ASXL3: variants seen among roughly 807,000 people sequenced by gnomAD.
ASXL3 encodes ASXL transcriptional regulator 3.
A neutral mutation model predicts 170.6 loss-of-function variants in ASXL3; 34 were observed. That is an observed-to-expected ratio of 0.20 (90% CI 0.15 to 0.27). The LOEUF (loss-of-function observed/expected upper bound fraction) is 0.27, where lower values mean the gene tolerates loss of function less well. Ranked by LOEUF, ASXL3 falls within the 10% of genes least tolerant of loss-of-function variation. The pLI, the probability that ASXL3 is intolerant of heterozygous loss-of-function variation, is 1.00. For missense variants in ASXL3, 2,592 were observed against 2,695.3 expected (o/e 0.96, Z 0.85); for synonymous variants, 1,002 against 989.1 (o/e 1.01, Z -0.24).
intron 1 of ASXL3, among the ~76,000 whole-genome samples, chr18:33,604,210 A>G (rs758849315): frequency 1.3e-5 from 2 of 152,102 alleles, no homozygotes; most frequent in Non-Finnish European, 2.9e-5. Flanking sequence ...TATTAAAACT[A>G]TTAACTCAAT....
rs1342499909 is a variant in ASXL3, at chr18:33,648,142, T to C, written c.355+1789T>C. 5.3e-5 allele frequency among the ~76,000 whole-genome samples: 8 copies of C among 152,218 alleles called. No homozygotes were observed. The South Asian group carries it at 1.7e-3, about 32-fold the overall frequency. On this transcript the variant is annotated intron_variant, in intron 4 of 11. Transcript: ENST00000269197. ...CTGTTTTGAGTGAGATATTAAGCCA[T>C]TGTAGAGTTTTGAGCTAGAAAGGCA...
intron 8 of ASXL3, among the ~76,000 whole-genome samples, chr18:33,723,679 A>G (rs6507059): frequency 0.66 from 100,016 of 152,094 alleles, 34,463 homozygotes; most frequent in East Asian, 0.89. Flanking sequence ...GCAGCGGCAG[A>G]GTTTAAGAGA....
intron 8 of ASXL3, among the ~76,000 whole-genome samples, chr18:33,703,276 C>CTT (rs1473070419): frequency 6.6e-6 from 1 of 152,228 alleles, no homozygotes; most frequent in African/African-American, 2.4e-5. Context: ...GAAATCTGTT[C>CTT]TTATGGTCTT....
chr18:33,718,929 AAAT>A (rs1286243676), intron 8 of ASXL3, among the ~76,000 whole-genome samples: 2 of 152,042 alleles, frequency 1.3e-5, no homozygotes, highest in African/African-American at 2.4e-5. Context: ...ACCTCCTACC[AAAT>A]AATAAATATT....
chr18:33,622,702 A>ATATC (rs1188067918), intron 2 of ASXL3, among the ~76,000 whole-genome samples: 1 of 152,132 alleles, frequency 6.6e-6, no homozygotes, highest in African/African-American at 2.4e-5. Context: ...GTGGTCTCAG[A>ATATC]TAGCTTGCAG....
chr18:33,703,845 G>A (rs982930633), intron 8 of ASXL3, among the ~76,000 whole-genome samples: 12 of 151,984 alleles, frequency 7.9e-5, no homozygotes, highest in Non-Finnish European at 1.3e-4. Flanking sequence ...TATGCTCTTA[G>A]GGCAAATTCC....
chr18:33,732,003 A>C lies in ASXL3; in HGVS notation c.915A>C (p.Ser305=). 7 of 1,612,940 alleles carry C rather than the reference A, an allele frequency of 4.3e-6. No individual in the cohort carries two copies. The highest frequency in any genetic ancestry group is 5.9e-6 in the Non-Finnish European group (7 of 1,179,562). ...GSDGILRLST[S]ALNNEFFAYA... ...ATGGAATTTTACGCCTCAGTACTTC[A>C]GCTCTAAATAATGAATTCTTTGCAT... The change falls in exon 9 of 12, where the codon TCA becomes TCC. Residue 305 remains serine (S), a synonymous_variant. Coordinates refer to ENST00000269197, the MANE Select transcript of ASXL3 (RefSeq NM_030632.3).
chr18:33,578,802 G>A, intron 1 of ASXL3, 117 bp downstream of exon 1: 1 of 614,956 alleles, frequency 1.6e-6, no homozygotes. Context: ...CCGCTCGCCG[G>A]GCTCCTGCTC....
At chr18:33,650,961 A>G (rs2065988461) in intron 4 of ASXL3, among the ~76,000 whole-genome samples, 1 of 151,942 alleles carries the variant, frequency 6.6e-6, no homozygotes, top group Non-Finnish European at 1.5e-5. Flanking sequence ...GTACTTTTTT[A>G]TTTTGTTTTA....
Position 33,746,114 on chromosome 18 carries a change from G to A in ASXL3, c.6266G>A (p.Gly2089Asp), listed in dbSNP as rs370206549. 18 of 1,613,602 alleles carry A rather than the reference G, an allele frequency of 1.1e-5. No homozygotes were observed. The African/African-American group carries it at 1.6e-4, about 14-fold the overall frequency. Reference protein sequence around the residue: ...IKSEPLSFEEGLSSSCELGMK... With the variant: ...IKSEPLSFEEDLSSSCELGMK... ...TCGGAACCTCTTTCTTTTGAGGAAG[G>A]TTTAAGCAGCAGCTGTGAACTGGGC... Residue 2089 changes from glycine (G) to aspartate (D), a missense_variant, in exon 12 of 12, where the codon GGT becomes GAT. This residue lies in a region of ASXL3 where 2,246 missense variants were observed against 2,219.6 expected (regional missense o/e 1.01). Coordinates refer to ENST00000269197, the MANE Select transcript of ASXL3 (RefSeq NM_030632.3).
At chr18:33,732,439 T>C (rs73955194) in intron 9 of ASXL3, among the ~76,000 whole-genome samples, 2,676 of 152,274 alleles carry the variant, frequency 0.018, 90 homozygotes, top group African/African-American at 0.061. Flanking sequence ...ATCCTTCCTT[T>C]AATCACCAAG....
chr18:33,581,472 AGTGTGTGTGT>A (rs150752638), intron 1 of ASXL3, among the ~76,000 whole-genome samples: 2 of 145,294 alleles, frequency 1.4e-5, no homozygotes, highest in Admixed American at 1.4e-4. Flanking sequence ...TGCTGGAGTG[AGTGTGTGTGT>A]GTGTGTGTGT....
Position 33,746,202 on chromosome 18 carries a change from A to G in ASXL3, c.6354A>G (p.Lys2118=). 6.2e-7 allele frequency: 1 copy of G among 1,613,854 alleles called. No individual in the cohort carries two copies. Among genetic ancestry groups the G allele is most frequent in the Non-Finnish European group, 8.5e-7 (1 of 1,179,872 alleles). ...AACAGTTAAAAGCATTCGCGCTAAA[A>G]AGTGCAGATTTCTCTTCCTATTTGC... ...MKEQLKAFAL[K]SADFSSYLLS... Residue 2118 remains lysine, a synonymous_variant, in exon 12 of 12, where the codon AAA becomes AAG. Transcript: ENST00000269197.
At chr18:33,611,914 T>TA (rs1433237912) in intron 2 of ASXL3, among the ~76,000 whole-genome samples, 31 of 152,102 alleles carry the variant, frequency 2.0e-4, no homozygotes, top group Non-Finnish European at 1.6e-4. Flanking sequence ...TGCCATGTCT[T>TA]ACGTAATTTT....
intron 2 of ASXL3, among the ~76,000 whole-genome samples, chr18:33,637,956 C>T (rs1468158566): frequency 6.6e-6 from 1 of 152,080 alleles, no homozygotes; most frequent in Non-Finnish European, 1.5e-5. Context: ...GTGCAAAACA[C>T]TGTTGGAGTA....
chr18:33,656,481 C>T lies in ASXL3; in HGVS notation c.356-5135C>T, dbSNP rs148581285. Among the ~76,000 whole-genome samples, 848 of 152,112 alleles carry T rather than the reference C, an allele frequency of 5.6e-3. 7 individuals are homozygous for T. The highest frequency in any genetic ancestry group is 0.024 in the Middle Eastern group (7 of 294). Reference sequence around the variant, plus strand: ...GAGAGCAATTAATAGTACACAATATCGGTGTTGCAGAGACTATATAATGTA... The same window carrying T: ...GAGAGCAATTAATAGTACACAATATTGGTGTTGCAGAGACTATATAATGTA... On this transcript the variant is annotated intron_variant, in intron 4 of 11. Coordinates refer to ENST00000269197, the MANE Select transcript of ASXL3 (RefSeq NM_030632.3).
intron 8 of ASXL3, among the ~76,000 whole-genome samples, chr18:33,694,254 T>C (rs926031901): frequency 6.6e-6 from 1 of 152,196 alleles, no homozygotes; most frequent in Non-Finnish European, 1.5e-5. Flanking sequence ...CTGCAAGATG[T>C]GCTTGGAGAA....
chr18:33,674,781 G>A (rs2066399184), intron 7 of ASXL3, among the ~76,000 whole-genome samples: 1 of 151,892 alleles, frequency 6.6e-6, no homozygotes, highest in African/African-American at 2.4e-5. Context: ...ACCACACCCG[G>A]CTAATTTTTT....
chr18:33,579,001 C>G (rs1337381154), intron 1 of ASXL3: 2 of 172,630 alleles, frequency 1.2e-5, no homozygotes. Flanking sequence ...CGGCGCAGCT[C>G]GACTTCCCTC....
Sources: allele counts gnomAD v4.1 joint callset (sites outside exome capture counted in the v4.1 genomes callset), GRCh38; gene constraint gnomAD v4.1.1; regional missense constraint gnomAD v4.1.1; transcripts MANE v1.5; gene names NCBI Gene and HGNC (gene_info 2026-07-23, HGNC 2026-07-21).